Variants in DCST2 observed in about 807,000 individuals in gnomAD.
DCST2 encodes the protein DC-STAMP domain-containing protein 2.
In DCST2, 64 loss-of-function variants were observed where a neutral mutation model predicts 81.8. That is an observed-to-expected ratio of 0.78 (90% CI 0.64 to 0.96). DCST2 has a LOEUF of 0.96. Among genes scored for constraint, DCST2 ranks in the 40% least tolerant of loss-of-function variants. The probability of loss-of-function intolerance (pLI) is 0.00; values close to 1 mark genes in which losing one functional copy is unlikely to be tolerated. For missense variants in DCST2, 945 were observed against 1,001.4 expected, an observed-to-expected ratio of 0.94 and a Z score of 0.76; for synonymous variants, 354 against 402.6, an observed-to-expected ratio of 0.88 and a Z score of 1.44.
chr1:155,024,639 C>A, intron 10 of DCST2, 37 bp from the exon 11 acceptor site: 1 of 1,548,052 alleles, frequency 6.5e-7, no homozygotes, highest in Non-Finnish European at 8.7e-7. Flanking sequence ...TCCCACTTGA[C>A]CCTGTTTTGT....
chr1:155,030,546 G>C lies in DCST2; in HGVS notation c.905C>G (p.Ser302Cys). The change falls in exon 6 of 15, where the codon TCC becomes TGC. Residue 302 changes from serine (S) to cysteine (C), a missense_variant. By Grantham distance (112) the Ser-to-Cys change is moderately radical. Coordinates refer to ENST00000368424, the MANE Select transcript of DCST2 (RefSeq NM_144622.3). ...CTCGTGGAGGTCCATGGCTACCTGG[G>C]ACAGGCTCCGAGAGGCATTGAGATC... The part of the protein sequence containing the change: ...SVDLNASRSL[S>C]QVAMDLHEAV... The C allele has an allele frequency of 6.2e-7, 1 of 1,614,136 alleles. No homozygotes were observed. Among genetic ancestry groups the C allele is most frequent in the Non-Finnish European group, 8.5e-7 (1 of 1,180,018 alleles).
intron 10 of DCST2, among the ~76,000 whole-genome samples, chr1:155,026,020 T>C (rs375823592): frequency 8.6e-5 from 13 of 151,282 alleles, no homozygotes; most frequent in Non-Finnish European, 1.3e-4. Flanking sequence ...TCTCCAACTC[T>C]CCCCCGTCCC....
intron 8 of DCST2, among the ~76,000 whole-genome samples, chr1:155,028,530 G>A (rs574889887): frequency 6.6e-6 from 1 of 151,562 alleles, no homozygotes; most frequent in Non-Finnish European, 1.5e-5. Flanking sequence ...ATTGTAGTGA[G>A]CCAAGATTGC....
chr1:155,021,325 T>C (rs1659751029), intron 14 of DCST2, among the ~76,000 whole-genome samples: 1 of 151,934 alleles, frequency 6.6e-6, no homozygotes, highest in African/African-American at 2.4e-5. Flanking sequence ...TTAGTAGAGA[T>C]GGAGTTTTGC....
intron 8 of DCST2, among the ~76,000 whole-genome samples, chr1:155,028,746 G>A (rs1164276593): frequency 1.3e-5 from 2 of 151,730 alleles, no homozygotes; most frequent in Non-Finnish European, 2.9e-5. Context: ...GGTGGCATGT[G>A]CCTGTAGTCC....
rs368226562 is a variant in DCST2 at position 155,031,160 on chromosome 1, G to T, written c.805+9C>A. On this transcript the variant is annotated intron_variant, in intron 5 of 14. Transcript: ENST00000368424. Reference sequence around the variant, plus strand: ...GGAGCACCATATGTGGCAGGAGGGGGTCACTCACGGGTGCCGATGGTCTGG... The same window carrying T: ...GGAGCACCATATGTGGCAGGAGGGGTTCACTCACGGGTGCCGATGGTCTGG... 2 of 1,587,276 alleles carry T rather than the reference G, an allele frequency of 1.3e-6. No homozygotes were observed. The highest frequency in any genetic ancestry group is 1.1e-5 in the South Asian group (1 of 87,228).
intron 3 of DCST2, 58 bp from the exon 4 acceptor site, chr1:155,031,829 GTT>G: frequency 1.3e-6 from 2 of 1,555,220 alleles, no homozygotes; most frequent in Non-Finnish European, 1.8e-6. Flanking sequence ...TCTTCTCAGG[GTT>G]TTGGGGAACA....
In DCST2 at chr1:155,025,101, C is replaced by T. The variant is rs1222734219; in HGVS notation, c.1612-499G>A. Among the ~76,000 whole-genome samples, 4 of 143,160 alleles carry T rather than the reference C, an allele frequency of 2.8e-5. No individual in the cohort carries two copies. In the East Asian group the frequency reaches 8.5e-4, roughly 30 times the overall value. The allele number at this position is 143,160 out of a possible 152,430, so 93.9% of individuals were successfully genotyped here. A position where few individuals can be genotyped will look rare whatever the true frequency, so the allele number is the denominator to read the frequency against. On this transcript the variant is annotated intron_variant, in intron 10 of 14. Transcript: ENST00000368424. ...GGCGGAGGTTGTGGTGAGCCGAGAT[C>T]GTGTCATTGCACTCTAGCCTGGGCA...
At position 155,018,618 on chromosome 1, in the gene DCST2, T is replaced by C; in HGVS notation, c.2248A>G (p.Thr750Ala). 6 of 1,611,768 alleles carry C rather than the reference T, an allele frequency of 3.7e-6. No individual in the cohort carries two copies. The highest frequency in any genetic ancestry group is 5.1e-6 in the Non-Finnish European group (6 of 1,179,198). ...ETSSATKGAP[T>A]PASEPSVPLS... ...GGGACTGAGGGTTCTGAAGCTGGAG[T>C]GGGGGCTCCTTTAGTGGCGGAGGAT... The change falls in exon 15 of 15, where the codon ACT becomes GCT. Residue 750 changes from threonine (T) to alanine (A), a missense_variant. By Grantham distance (58) the Thr-to-Ala change is moderately conservative. Transcript: ENST00000368424.
At position 155,033,724 on chromosome 1, in the gene DCST2, C is replaced by T; in HGVS notation, c.-23G>A. 2 of 1,605,366 alleles carry T rather than the reference C, an allele frequency of 1.2e-6. No homozygotes were observed. Among genetic ancestry groups the T allele is most frequent in the South Asian group, 1.1e-5 (1 of 90,300 alleles). On this transcript the variant is annotated 5_prime_UTR_variant, in exon 1 of 15. Transcript: ENST00000368424. Reference sequence around the variant, plus strand: ...CATGGCTGCTGAGACCAAATGTCTGCCTGTCTCCAGGAGATGCCCGCTGAC... The same window carrying T: ...CATGGCTGCTGAGACCAAATGTCTGTCTGTCTCCAGGAGATGCCCGCTGAC...
intron 8 of DCST2, among the ~76,000 whole-genome samples, chr1:155,028,631 T>C (rs1477933369): frequency 6.7e-6 from 1 of 149,670 alleles, no homozygotes; most frequent in East Asian, 2.0e-4. Flanking sequence ...TCCCAGCACT[T>C]TGGGAGGCCA....
At chr1:155,030,769 G>C (rs1273432443) in intron 5 of DCST2, 124 bp from the exon 6 acceptor site, 1 of 1,022,548 alleles carries the variant, frequency 9.8e-7, no homozygotes, top group Admixed American at 2.4e-5. Context: ...GAACCCCCCA[G>C]TGCTTGGGTC....
chr1:155,021,243 C>T (rs1659747744), intron 14 of DCST2, among the ~76,000 whole-genome samples: 1 of 151,914 alleles, frequency 6.6e-6, no homozygotes, highest in Admixed American at 6.6e-5. Flanking sequence ...TTAAGTGGTC[C>T]TCCCGCCTCA....
rs538572982 is a variant in DCST2 at position 155,033,604 on chromosome 1, C to T, written c.98G>A (p.Gly33Asp). 1 of 1,614,168 alleles carries T rather than the reference C, an allele frequency of 6.2e-7. No homozygotes were observed. Among genetic ancestry groups the T allele is most frequent in the African/African-American group, 1.3e-5 (1 of 75,036 alleles). The change falls in exon 1 of 15, where the codon GGC (glycine) becomes GAC (aspartate). Residue 33 changes from glycine (G) to aspartate (D), a missense_variant. By Grantham distance (94) the Gly-to-Asp change is moderately conservative. Coordinates refer to ENST00000368424, the MANE Select transcript of DCST2 (RefSeq NM_144622.3). ...VVRSVGGFTL[G>D]LSLATAYGLL... ...CCCGTAGGCCGTGGCTAAAGACAAG[C>T]CCAGGGTAAAACCTCCCACGCTGCG...
At chr1:155,032,844 G>A (rs985313354) in intron 2 of DCST2, 76 bp from the exon 3 acceptor site, 2 of 1,339,094 alleles carry the variant, frequency 1.5e-6, no homozygotes, top group Admixed American at 1.8e-5. Context: ...CCTTAAGCAG[G>A]GAGTAGAGAG....
chr1:155,029,397 C>A lies in DCST2; in HGVS notation c.1178G>T (p.Gly393Val). 6.2e-7 allele frequency: 1 copy of A among 1,613,562 alleles called. No homozygotes were observed. Residue 393 changes from glycine to valine, a missense_variant and splice_region_variant, in exon 8 of 15, where the codon GGC becomes GTC. Coordinates refer to ENST00000368424, the MANE Select transcript of DCST2 (RefSeq NM_144622.3). Reference sequence around the variant, plus strand: ...CTCCCATTGGGACAAGAAGATGGAGCCTGAGCAGGAGTGGGATGGTCAGGA... The same window carrying A: ...CTCCCATTGGGACAAGAAGATGGAGACTGAGCAGGAGTGGGATGGTCAGGA... Reference protein sequence around the residue: ...AHEARRYIPPGSIFLSQWEKF... With the variant: ...AHEARRYIPPVSIFLSQWEKF...
chr1:155,026,908 C>T, intron 8 of DCST2, 193 bp from the exon 9 acceptor site: 1 of 636,028 alleles, frequency 1.6e-6, no homozygotes, highest in Non-Finnish European at 2.7e-6. Flanking sequence ...TAGGACTGGC[C>T]CCATGGTCCA....
intron 3 of DCST2, among the ~76,000 whole-genome samples, chr1:155,032,024 G>A (rs1170797501): frequency 6.6e-6 from 1 of 152,080 alleles, no homozygotes; most frequent in African/African-American, 2.4e-5. Flanking sequence ...ATGGAGTTTC[G>A]CTCTTGTTGC....
intron 14 of DCST2, among the ~76,000 whole-genome samples, chr1:155,021,946 A>G (rs574561834): frequency 6.6e-6 from 1 of 150,464 alleles, no homozygotes; most frequent in East Asian, 2.0e-4. Context: ...GGCTCACTGC[A>G]ATCTCTGCCT....
Sources: gnomAD v4.1 joint callset for allele counts (sites outside exome capture counted in the v4.1 genomes callset) on GRCh38, gnomAD v4.1.1 for gene constraint, MANE v1.5 for transcripts, NCBI Gene and HGNC (gene_info 2026-07-23, HGNC 2026-07-21) for gene names.